Variants in LRRC17 observed in about 807,000 individuals in gnomAD.
LRRC17 encodes leucine rich repeat containing 17.
LRRC17 carries 33 observed loss-of-function variants against 41.5 expected under a neutral mutation model. That is an observed-to-expected ratio of 0.80 (90% confidence interval 0.60 to 1.06). LRRC17 has a LOEUF of 1.06. Among genes scored for constraint, LRRC17 ranks in the 50% least tolerant of loss-of-function variants. The probability of loss-of-function intolerance (pLI) is 0.00; values close to 1 mark genes in which losing one functional copy is unlikely to be tolerated. For synonymous variants in LRRC17, 192 were observed against 197.0 expected (o/e 0.97, Z 0.21); for missense variants, 491 against 519.3 (o/e 0.95, Z 0.53).
At chr7:102,940,824 A>AT (rs1419646680) in intron 3 of LRRC17, among the ~76,000 whole-genome samples, 1 of 152,222 alleles carries the variant, frequency 6.6e-6, no homozygotes, top group African/African-American at 2.4e-5. Flanking sequence ...TTTATAACAT[A>AT]TATAACACAA....
chr7:102,925,159 C>T (rs561893174), intron 1 of LRRC17, among the ~76,000 whole-genome samples: 6 of 152,174 alleles, frequency 3.9e-5, no homozygotes, highest in African/African-American at 1.2e-4. Flanking sequence ...TTTGGGAGGC[C>T]CAAGTGGGCA....
intron 3 of LRRC17, among the ~76,000 whole-genome samples, chr7:102,940,245 C>G (rs558595916): frequency 4.1e-4 from 57 of 137,648 alleles, no homozygotes; most frequent in South Asian, 1.2e-3. Context: ...GAGTCTAGCT[C>G]TGTTGCCAGG....
At chr7:102,930,954 A>C (rs563099296) in intron 1 of LRRC17, among the ~76,000 whole-genome samples, 138 of 152,282 alleles carry the variant, frequency 9.1e-4, no homozygotes, top group African/African-American at 3.2e-3. Flanking sequence ...CACAAAGAAC[A>C]AGACACATCT....
intron 2 of LRRC17, among the ~76,000 whole-genome samples, chr7:102,937,954 T>C (rs1820656921): frequency 6.6e-6 from 1 of 152,226 alleles, no homozygotes; most frequent in Non-Finnish European, 1.5e-5. Context: ...ATGGTGTGTA[T>C]AGGGGACCTA....
chr7:102,913,272 T>G lies in LRRC17; in HGVS notation c.-141+127T>G, dbSNP rs111748676. ...TATACTTCCGTTGTTCTCTCAAATC[T>G]TTCTTAAGCCACTATGACAAAGAAA... On this transcript the variant is annotated intron_variant, in intron 1 of 3. Transcript: ENST00000339431. 3 of 1,606,534 alleles carry G rather than the reference T, an allele frequency of 1.9e-6. No individual in the cohort carries two copies. In the African/African-American group the frequency reaches 4.0e-5, roughly 22 times the overall value.
chr7:102,925,940 CAA>C (rs66682276), intron 1 of LRRC17, among the ~76,000 whole-genome samples: 210 of 100,930 alleles, frequency 2.1e-3, no homozygotes, highest in Non-Finnish European at 2.1e-3. Flanking sequence ...GACTCTGTCT[CAA>C]AAAAAAAAAA....
intron 1 of LRRC17, among the ~76,000 whole-genome samples, chr7:102,915,925 C>T (rs1168140585): frequency 6.6e-6 from 1 of 151,736 alleles, no homozygotes; most frequent in Non-Finnish European, 1.5e-5. Flanking sequence ...ACTGCTAATA[C>T]TTCTGTAGTT....
intron 1 of LRRC17, among the ~76,000 whole-genome samples, chr7:102,914,835 A>T (rs1815507702): frequency 6.6e-6 from 1 of 152,148 alleles, no homozygotes; most frequent in Admixed American, 6.6e-5. Flanking sequence ...GAGCTGTGCT[A>T]AAGTTTTGGA....
intron 1 of LRRC17, among the ~76,000 whole-genome samples, chr7:102,920,372 GT>G (rs148367277): frequency 1.3e-5 from 2 of 149,564 alleles, no homozygotes; most frequent in Admixed American, 6.7e-5. Context: ...CATACACTCA[GT>G]TTTTTTTTTC....
At chr7:102,934,805 C>A in intron 2 of LRRC17, 120 bp downstream of exon 2, 1 of 931,868 alleles carries the variant, frequency 1.1e-6, no homozygotes, top group Non-Finnish European at 1.6e-6. Flanking sequence ...ACCAGAAATC[C>A]TTCCCTATTG....
intron 3 of LRRC17, among the ~76,000 whole-genome samples, chr7:102,940,827 TAA>T (rs1393698234): frequency 3.9e-5 from 6 of 152,264 alleles, no homozygotes; most frequent in Admixed American, 3.9e-4. Flanking sequence ...ATAACATATA[TAA>T]CACAAGTGCT....
In LRRC17 at chr7:102,934,434, T is replaced by C. The variant is rs1819875929; in HGVS notation, c.521T>C (p.Leu174Pro). ...CACTGTACTTGTGAGATAGAAACGCTTATTTCAATGTTGCAGATTCCCAGG... is the reference window on the plus strand; with the variant it reads ...CACTGTACTTGTGAGATAGAAACGCCTATTTCAATGTTGCAGATTCCCAGG... ...PWHCTCEIET[L>P]ISMLQIPRNR... Residue 174 changes from leucine to proline, a missense_variant, in exon 2 of 4, where the codon CTT becomes CCT. Leu to Pro is a moderately conservative substitution (Grantham distance 98). Transcript: ENST00000339431. 1.9e-6 allele frequency: 3 copies of C among 1,614,214 alleles called. No homozygotes were observed. Among genetic ancestry groups the C allele is most frequent in the South Asian group, 1.1e-5 (1 of 91,078 alleles).
At chr7:102,939,216 A>G (rs2129474975) in intron 2 of LRRC17, among the ~76,000 whole-genome samples, 1 of 152,318 alleles carries the variant, frequency 6.6e-6, no homozygotes, top group South Asian at 2.1e-4. Flanking sequence ...TCTGGCTTTC[A>G]TCACAATTAG....
rs115147935 is a variant in LRRC17 at position 102,932,840 on chromosome 7, C to G, written c.-140-934C>G. Reference sequence around the variant, plus strand: ...CTCAGACTGGTCTCAAGAGATCTGACTGCCTCAGCCTCCCAAAGTGCTGGG... The same window carrying G: ...CTCAGACTGGTCTCAAGAGATCTGAGTGCCTCAGCCTCCCAAAGTGCTGGG... On this transcript the variant is annotated intron_variant, in intron 1 of 3. Transcript: ENST00000339431. Among the ~76,000 whole-genome samples, 1,351 of 152,226 alleles carry G rather than the reference C, an allele frequency of 8.9e-3. 12 individuals carry two copies. The highest frequency in any genetic ancestry group is 0.031 in the African/African-American group (1,277 of 41,536).
chr7:102,916,820 A>T (rs1422244843), intron 1 of LRRC17, among the ~76,000 whole-genome samples: 1 of 150,412 alleles, frequency 6.6e-6, no homozygotes, highest in East Asian at 2.0e-4. Flanking sequence ...TCTCTTTGTG[A>T]TTTATTTATT....
At chr7:102,931,456 G>C (rs1332195797) in intron 1 of LRRC17, among the ~76,000 whole-genome samples, 2 of 152,160 alleles carry the variant, frequency 1.3e-5, no homozygotes, top group African/African-American at 2.4e-5. Context: ...TGGAAGACAG[G>C]TTGGGGACAG....
Sources: allele counts gnomAD v4.1 joint callset (sites outside exome capture counted in the v4.1 genomes callset), GRCh38; gene constraint gnomAD v4.1.1; transcripts MANE v1.5; gene names NCBI Gene and HGNC (gene_info 2026-07-23, HGNC 2026-07-21).